The following ERC1 variants were observed in gnomAD, a reference collection of about 807,000 sequenced individuals.
ERC1 encodes RAB6 interacting protein 2.
Under a neutral mutation model 132.0 loss-of-function variants are expected in ERC1, and 56 were observed. The observed-to-expected ratio is 0.42, with a 90% CI of 0.34 to 0.53. The LOEUF (loss-of-function observed/expected upper bound fraction) is 0.53, where lower values mean the gene tolerates loss of function less well. ERC1 is among the 20% of genes least tolerant of loss of function. The pLI, the probability that ERC1 is intolerant of heterozygous loss-of-function variation, is 0.03. For missense variants in ERC1, 1,202 were observed against 1,349.9 expected (o/e 0.89, Z 1.72); for synonymous variants, 478 against 476.1 (o/e 1.00, Z -0.05).
intron 15 of ERC1, among the ~76,000 whole-genome samples, chr12:1,309,121 T>G (rs1210995625): frequency 6.6e-6 from 1 of 152,236 alleles, no homozygotes; most frequent in Non-Finnish European, 1.5e-5. Flanking sequence ...GAAGTAATTT[T>G]TTGTTGTTTA....
intron 2 of ERC1, among the ~76,000 whole-genome samples, chr12:1,033,786 C>A (rs555573405): frequency 6.6e-6 from 1 of 152,024 alleles, no homozygotes; most frequent in African/African-American, 2.4e-5. Context: ...TGTGCCACCA[C>A]GCCTGGCTAA....
At chr12:1,309,885 A>G (rs945382641) in intron 15 of ERC1, among the ~76,000 whole-genome samples, 3 of 152,116 alleles carry the variant, frequency 2.0e-5, no homozygotes, top group African/African-American at 7.2e-5. Context: ...CCTCGTCTAT[A>G]GAGTGGTAAT....
chr12:1,422,088 C>T (rs1276864301), intron 17 of ERC1, among the ~76,000 whole-genome samples: 1 of 152,180 alleles, frequency 6.6e-6, no homozygotes, highest in East Asian at 1.9e-4. Context: ...TAATCCTAAC[C>T]TTGTGGCCTT....
In ERC1 at chr12:1,122,577, ATCTC is replaced by A. The variant is rs1226957302; in HGVS notation, c.1569+6546_1569+6549del. Among the ~76,000 whole-genome samples, 9 of 10,006 alleles carry A rather than the reference ATCTC, an allele frequency of 9.0e-4. 2 individuals are homozygous for A. Among genetic ancestry groups the A allele is most frequent in the Non-Finnish European group, 2.1e-3 (5 of 2,338 alleles). 6.6% of individuals were successfully genotyped at this position (10,006 alleles called of 152,430 possible). On this transcript the variant is annotated intron_variant, in intron 7 of 18. Coordinates refer to ENST00000360905, the MANE Select transcript of ERC1 (RefSeq NM_178040.4). ...TATCTCTATCTCTATCTGTGTCTCT[ATCTC>A]TATCTCTATCTCTATCTGTGTCTCT...
chr12:1,214,647 TA>T (rs1958202041), intron 12 of ERC1, among the ~76,000 whole-genome samples: 1 of 141,234 alleles, frequency 7.1e-6, no homozygotes, highest in Non-Finnish European at 1.5e-5. Flanking sequence ...AAAACATAAA[TA>T]TGCGTGTGTG....
chr12:1,425,246 G>A (rs931740364), intron 17 of ERC1, among the ~76,000 whole-genome samples: 17 of 152,162 alleles, frequency 1.1e-4, no homozygotes, highest in South Asian at 4.1e-4. Context: ...GCTGGATTGT[G>A]CTTGGTAGTT....
chr12:1,161,678 G>GTA (rs1161351638), intron 8 of ERC1, among the ~76,000 whole-genome samples: 3 of 152,130 alleles, frequency 2.0e-5, no homozygotes, highest in Non-Finnish European at 4.4e-5. Context: ...GGATATTGTG[G>GTA]TATAACTTTT....
At chr12:1,360,581 T>C (rs2085993387) in intron 15 of ERC1, among the ~76,000 whole-genome samples, 1 of 152,154 alleles carries the variant, frequency 6.6e-6, no homozygotes, top group African/African-American at 2.4e-5. Flanking sequence ...ATTCAGTTAA[T>C]AAAAAGGGTA....
At chr12:1,029,929 G>A (rs572706150) in intron 2 of ERC1, among the ~76,000 whole-genome samples, 1 of 152,178 alleles carries the variant, frequency 6.6e-6, no homozygotes, top group African/African-American at 2.4e-5. Context: ...TGTATTTTTA[G>A]TAGAGACGGG....
chr12:1,191,474 C>G (rs532927408), intron 12 of ERC1, among the ~76,000 whole-genome samples: 2 of 152,200 alleles, frequency 1.3e-5, no homozygotes, highest in African/African-American at 4.8e-5. Flanking sequence ...AAAAGAAATT[C>G]CTTGAATAAG....
At chr12:1,084,553 GATGTTATTACACTGGAAATCC>G (rs1403438493) in intron 3 of ERC1, among the ~76,000 whole-genome samples, 1 of 152,018 alleles carries the variant, frequency 6.6e-6, no homozygotes, top group Non-Finnish European at 1.5e-5. Flanking sequence ...TTAAAAACAT[GATGTTATTACACTGGAAATCC>G]ATTGTAGTAA....
chr12:1,432,596 A>T (rs1012086033), intron 17 of ERC1, among the ~76,000 whole-genome samples: 6 of 152,264 alleles, frequency 3.9e-5, no homozygotes, highest in African/African-American at 1.4e-4. Context: ...TATTGGAAAT[A>T]ATAGTAGTTA....
chr12:1,482,922 A>G (rs1393574946), intron 18 of ERC1, among the ~76,000 whole-genome samples: 1 of 152,086 alleles, frequency 6.6e-6, no homozygotes, highest in African/African-American at 2.4e-5. Flanking sequence ...GTCACTGCCA[A>G]TCACCCCATC....
chr12:1,265,301 T>G (rs1308962305), intron 14 of ERC1, among the ~76,000 whole-genome samples: 1 of 151,288 alleles, frequency 6.6e-6, no homozygotes, highest in Admixed American at 6.5e-5. Context: ...ATGCAGAGAT[T>G]TTGGCAATTA....
chr12:1,095,359 G>A (rs1460753323), intron 3 of ERC1, among the ~76,000 whole-genome samples: 2 of 147,838 alleles, frequency 1.4e-5, no homozygotes, highest in Non-Finnish European at 3.0e-5. Context: ...GAACTCGGGA[G>A]GTGGAGGTTG....
intron 16 of ERC1, among the ~76,000 whole-genome samples, chr12:1,376,938 A>G (rs11061724): frequency 0.41 from 61,581 of 151,926 alleles, 13,733 homozygotes; most frequent in African/African-American, 0.59. Flanking sequence ...TTCTCCCGTC[A>G]TCCCAGCACT....
rs908732288 is a variant in ERC1, at chr12:1,093,462, C to T, written c.1086+9882C>T. ...GAGGCCCCAACTTTGGTTTTCAGTC[C>T]GCTAGCAGAGGATACCTAAGTTGGC... On this transcript the variant is annotated intron_variant, in intron 3 of 18. Coordinates refer to ENST00000360905, the MANE Select transcript of ERC1 (RefSeq NM_178040.4). 3.3e-5 allele frequency among the ~76,000 whole-genome samples: 5 copies of T among 152,094 alleles called. No individual in the cohort carries two copies. In the East Asian group the frequency reaches 7.7e-4, roughly 23 times the overall value.
At chr12:1,299,062 G>A (rs1430496015) in intron 15 of ERC1, among the ~76,000 whole-genome samples, 2 of 152,136 alleles carry the variant, frequency 1.3e-5, no homozygotes, top group South Asian at 4.1e-4. Flanking sequence ...AAACAAATCT[G>A]TGGTCACCAG....
intron 15 of ERC1, among the ~76,000 whole-genome samples, chr12:1,300,115 G>C (rs1481910883): frequency 1.3e-5 from 2 of 152,126 alleles, no homozygotes; most frequent in East Asian, 3.9e-4. Context: ...TAGTAAAGCA[G>C]ACACACAGAG....
Sources: allele counts gnomAD v4.1 joint callset (sites outside exome capture counted in the v4.1 genomes callset), GRCh38; gene constraint gnomAD v4.1.1; transcripts MANE v1.5; gene names NCBI Gene and HGNC (gene_info 2026-07-23, HGNC 2026-07-21).